Variants in ROR2 observed in about 807,000 individuals in gnomAD.
ROR2 encodes ROR family WNT receptor 2, also known as tyrosine-protein kinase transmembrane receptor ROR2.
ROR2 carries 33 observed loss-of-function variants against 74.9 expected under a neutral mutation model. The ratio of observed to expected loss-of-function variants is 0.44; its 90% CI spans 0.33 to 0.59. The LOEUF is 0.59. ROR2 is among the 20% of genes least tolerant of loss of function. ROR2 has a pLI of 0.02. For missense variants in ROR2, 1,216 were observed against 1,313.8 expected (o/e 0.93, Z 1.15); for synonymous variants, 586 against 558.7 (o/e 1.05, Z -0.69).
At chr9:91,812,723 T>C (rs962297662) in intron 1 of ROR2, among the ~76,000 whole-genome samples, 25 of 152,112 alleles carry the variant, frequency 1.6e-4, no homozygotes, top group African/African-American at 5.3e-4. Context: ...CCTTTCTCCT[T>C]GTAAAGAAAA....
At chr9:91,728,554 C>A (rs1347609479) in intron 7 of ROR2, among the ~76,000 whole-genome samples, 1 of 152,176 alleles carries the variant, frequency 6.6e-6, no homozygotes, top group Non-Finnish European at 1.5e-5. Context: ...CCTTAGCCTC[C>A]CGACTAGCTG....
At chr9:91,818,653 AT>A (rs1276709190) in intron 1 of ROR2, among the ~76,000 whole-genome samples, 1 of 152,236 alleles carries the variant, frequency 6.6e-6, no homozygotes, top group Non-Finnish European at 1.5e-5. Context: ...AAAAGAGACC[AT>A]GGCCCACGCT....
chr9:91,860,712 G>A (rs559250381), intron 1 of ROR2, among the ~76,000 whole-genome samples: 35 of 152,244 alleles, frequency 2.3e-4, no homozygotes, highest in African/African-American at 6.5e-4. Flanking sequence ...TCTCAGCTCC[G>A]GGAGAGAGAC....
At chr9:91,940,373 A>C (rs1335380035) in intron 1 of ROR2, among the ~76,000 whole-genome samples, 3 of 152,240 alleles carry the variant, frequency 2.0e-5, no homozygotes, top group African/African-American at 7.2e-5. Context: ...TGAAAAATAT[A>C]CAGCGGTTCA....
chr9:91,884,624 G>GA (rs765136369), intron 1 of ROR2, among the ~76,000 whole-genome samples: 23 of 151,980 alleles, frequency 1.5e-4, no homozygotes, highest in Non-Finnish European at 2.2e-4. Context: ...TCTTCTCCCT[G>GA]ATCTGACGAT....
rs896180400 is a variant in ROR2, at chr9:91,763,142, G to C, written c.176-5583C>G. Among the ~76,000 whole-genome samples the C allele has an allele frequency of 7.9e-5, 12 of 152,294 alleles. No individual in the cohort carries two copies. The South Asian group carries it at 2.5e-3, about 32-fold the overall frequency. Reference sequence around the variant, plus strand: ...AACACTGAGTACACATGGACATAAAGAAGGGAACAACAGACACCAGGGCCT... The same window carrying C: ...AACACTGAGTACACATGGACATAAACAAGGGAACAACAGACACCAGGGCCT... On this transcript the variant is annotated intron_variant, in intron 2 of 8. Transcript: ENST00000375708.
rs140591338 is a variant in ROR2, at chr9:91,885,141, A to G, written c.97+64726T>C. ...TTCTCCAAAATATTCTCTGGAAGGCATGAGCCTCTGCATCCCAATTCTCTC... is the reference window on the plus strand; with the variant it reads ...TTCTCCAAAATATTCTCTGGAAGGCGTGAGCCTCTGCATCCCAATTCTCTC... On this transcript the variant is annotated intron_variant, in intron 1 of 8. Transcript: ENST00000375708. Among the ~76,000 whole-genome samples the G allele has an allele frequency of 6.6e-5, 10 of 152,310 alleles. No homozygotes were observed. In the East Asian group the frequency reaches 1.7e-3, roughly 27 times the overall value.
chr9:91,902,634 G>T (rs1240785853), intron 1 of ROR2, among the ~76,000 whole-genome samples: 2 of 152,182 alleles, frequency 1.3e-5, no homozygotes, highest in African/African-American at 4.8e-5. Context: ...TCCAGCATCA[G>T]TTGGAGAGCT....
intron 1 of ROR2, among the ~76,000 whole-genome samples, chr9:91,915,165 A>C (rs1403624896): frequency 6.6e-6 from 1 of 152,022 alleles, no homozygotes; most frequent in East Asian, 1.9e-4. Flanking sequence ...TGTCATCCCC[A>C]ACATGAGGAC....
At chr9:91,799,349 T>C (rs1827299306) in intron 1 of ROR2, among the ~76,000 whole-genome samples, 1 of 152,160 alleles carries the variant, frequency 6.6e-6, no homozygotes, top group African/African-American at 2.4e-5. Context: ...CAGCCCAGCA[T>C]GGAGTATGAC....
intron 1 of ROR2, among the ~76,000 whole-genome samples, chr9:91,895,071 T>C (rs947372694): frequency 1.3e-5 from 2 of 152,152 alleles, no homozygotes; most frequent in African/African-American, 4.8e-5. Flanking sequence ...ATCTAGTGGA[T>C]GAAATATTCA....
chr9:91,929,605 C>G (rs1831498980), intron 1 of ROR2, among the ~76,000 whole-genome samples: 1 of 152,150 alleles, frequency 6.6e-6, no homozygotes, highest in Non-Finnish European at 1.5e-5. Context: ...CTTTTCAATT[C>G]AACTTATGAC....
At chr9:91,749,157 A>G (rs1825528106) in intron 4 of ROR2, among the ~76,000 whole-genome samples, 1 of 152,280 alleles carries the variant, frequency 6.6e-6, no homozygotes, top group Non-Finnish European at 1.5e-5. Flanking sequence ...ACAAAGATAT[A>G]AAATTCACAA....
At chr9:91,891,244 G>A (rs1163868086) in intron 1 of ROR2, among the ~76,000 whole-genome samples, 1 of 142,482 alleles carries the variant, frequency 7.0e-6, no homozygotes, top group Non-Finnish European at 1.5e-5. Context: ...CAGCAGGGCT[G>A]TTCCTTTCTT....
chr9:91,758,253 G>T (rs538669910), intron 2 of ROR2, among the ~76,000 whole-genome samples: 13 of 152,158 alleles, frequency 8.5e-5, no homozygotes, highest in Non-Finnish European at 1.6e-4. Context: ...GTTACAAATA[G>T]ACTTTAGGTA....
At chr9:91,899,623 C>G (rs1312666729) in intron 1 of ROR2, among the ~76,000 whole-genome samples, 1 of 152,242 alleles carries the variant, frequency 6.6e-6, no homozygotes, top group African/African-American at 2.4e-5. Context: ...CCTCCTCCGT[C>G]CCCAAGGAGA....
At chr9:91,828,407 C>CT (rs1359466136) in intron 1 of ROR2, among the ~76,000 whole-genome samples, 3 of 152,188 alleles carry the variant, frequency 2.0e-5, no homozygotes, top group African/African-American at 7.2e-5. Flanking sequence ...AGTCTATTTA[C>CT]TTGGGCTTTA....
Position 91,722,962 on chromosome 9 carries a change from C to T in ROR2, c.*700G>A. The T allele has an allele frequency of 5.0e-6, 1 of 201,338 alleles. No homozygotes were observed. Among genetic ancestry groups the T allele is most frequent in the Non-Finnish European group, 1.0e-5 (1 of 98,168 alleles). The allele number at this position is 201,338 out of a possible 1,614,324, so 12.5% of individuals were successfully genotyped here. ...ATTCCAAACCCAAGAAACACTTTCC[C>T]TTGAATTCCCAAAAAAAGTGGGCAA... On this transcript the variant is annotated 3_prime_UTR_variant, in exon 9 of 9. Transcript: ENST00000375708.
At chr9:91,824,098 G>A (rs907822878) in intron 1 of ROR2, among the ~76,000 whole-genome samples, 5 of 152,232 alleles carry the variant, frequency 3.3e-5, no homozygotes, top group South Asian at 2.1e-4. Context: ...ATGTGCCGAC[G>A]ATAGAATCTG....
Sources: allele counts gnomAD v4.1 joint callset (sites outside exome capture counted in the v4.1 genomes callset), GRCh38; gene constraint gnomAD v4.1.1; transcripts MANE v1.5; gene names NCBI Gene and HGNC (gene_info 2026-07-23, HGNC 2026-07-21).